The following RPS6KA5 variants were observed in gnomAD, a reference collection of about 807,000 sequenced individuals.
RPS6KA5 encodes ribosomal protein S6 kinase alpha-5.
RPS6KA5 carries 27 observed loss-of-function variants against 85.5 expected under a neutral mutation model. The ratio of observed to expected loss-of-function variants is 0.32; its 90% confidence interval spans 0.23 to 0.44. RPS6KA5 has a LOEUF of 0.44. Among genes scored for constraint, RPS6KA5 ranks in the 20% least tolerant of loss-of-function variants. RPS6KA5 has a pLI of 1.00. For synonymous variants in RPS6KA5, 334 were observed against 348.2 expected (o/e 0.96, Z 0.46); for missense variants, 811 against 980.9 (o/e 0.83, Z 2.31).
intron 1 of RPS6KA5, among the ~76,000 whole-genome samples, chr14:91,050,522 A>G (rs889928926): frequency 3.3e-5 from 5 of 152,208 alleles, no homozygotes; most frequent in Non-Finnish European, 7.3e-5. Context: ...TCCGCCTCCC[A>G]GGTTCAAGCA....
intron 1 of RPS6KA5, among the ~76,000 whole-genome samples, chr14:91,035,770 A>C (rs892730176): frequency 6.6e-6 from 1 of 150,810 alleles, no homozygotes; most frequent in Non-Finnish European, 1.5e-5. Context: ...AAAGCCAAAC[A>C]GAGACACAGA....
rs2031849494 is a variant in RPS6KA5, at chr14:90,848,978, A to G, written c.*23096T>C. ...CAGGCAGAGGATGGCAAAGATCAACAAAAGAAAAGAGTCCACCGCACTCCA... is the reference window on the plus strand; with the variant it reads ...CAGGCAGAGGATGGCAAAGATCAACGAAAGAAAAGAGTCCACCGCACTCCA... On this transcript the variant is annotated 3_prime_UTR_variant, in exon 17 of 17. Coordinates refer to ENST00000614987, the MANE Select transcript of RPS6KA5 (RefSeq NM_004755.4). 6.6e-6 allele frequency: 1 copy of G among 151,444 alleles called. No individual in the cohort carries two copies. The highest frequency in any genetic ancestry group is 1.5e-5 in the Non-Finnish European group (1 of 67,976). 9.4% of individuals were successfully genotyped at this position (151,444 alleles called of 1,614,324 possible).
chr14:91,021,211 A>C (rs115004817), intron 1 of RPS6KA5, among the ~76,000 whole-genome samples: 1 of 152,218 alleles, frequency 6.6e-6, no homozygotes, highest in East Asian at 1.9e-4. Flanking sequence ...ACAATGGAGT[A>C]ACTTTCTGAC....
intron 1 of RPS6KA5, among the ~76,000 whole-genome samples, chr14:91,054,116 T>C (rs2139962270): frequency 6.6e-6 from 1 of 152,298 alleles, no homozygotes; most frequent in African/African-American, 2.4e-5. Flanking sequence ...CAGCTAATGG[T>C]GCTGGAACAA....
In RPS6KA5 at chr14:90,861,540, T is replaced by A. The variant is rs9323854; in HGVS notation, c.*10534A>T. On this transcript the variant is annotated 3_prime_UTR_variant, in exon 17 of 17. Transcript: ENST00000614987. ...CTGTCTCAAAAAAAAAAAAATAATG[T>A]CTTATGAAGTCTAAAACACATATAT... 0.16 allele frequency: 24,131 copies of A among 148,834 alleles called. 2,188 individuals are homozygous for A. The highest frequency in any genetic ancestry group is 0.25 in the African/African-American group (10,065 of 40,650). The allele number at this position is 148,834 out of a possible 1,614,324, so 9.2% of individuals were successfully genotyped here. A position where few individuals can be genotyped will look rare whatever the true frequency, so the allele number is the denominator to read the frequency against.
intron 1 of RPS6KA5, among the ~76,000 whole-genome samples, chr14:91,006,921 T>A (rs780852295): frequency 2.6e-5 from 4 of 152,008 alleles, no homozygotes; most frequent in Non-Finnish European, 5.9e-5. Flanking sequence ...AAGATTATAA[T>A]TAGATGTAGT....
At chr14:90,954,633 T>C (rs912669992) in intron 3 of RPS6KA5, among the ~76,000 whole-genome samples, 1 of 152,158 alleles carries the variant, frequency 6.6e-6, no homozygotes, top group Non-Finnish European at 1.5e-5. Flanking sequence ...AGGCTGTTCT[T>C]GAACTCCTGA....
chr14:91,051,349 T>C (rs2043071640), intron 1 of RPS6KA5, among the ~76,000 whole-genome samples: 1 of 151,828 alleles, frequency 6.6e-6, no homozygotes, highest in Non-Finnish European at 1.5e-5. Flanking sequence ...GAGGCAGAGA[T>C]GGGAAGACTG....
chr14:90,964,500 T>C (rs1398894202), intron 3 of RPS6KA5, among the ~76,000 whole-genome samples: 1 of 152,244 alleles, frequency 6.6e-6, no homozygotes, highest in Non-Finnish European at 1.5e-5. Flanking sequence ...TTTTCTGGCC[T>C]ACAGACAACC....
intron 1 of RPS6KA5, among the ~76,000 whole-genome samples, chr14:91,012,012 T>C (rs1328469929): frequency 6.6e-6 from 1 of 152,252 alleles, no homozygotes; most frequent in African/African-American, 2.4e-5. Context: ...TAATTTATTA[T>C]AAATGATCTA....
intron 8 of RPS6KA5, among the ~76,000 whole-genome samples, chr14:90,905,823 G>T (rs1432107984): frequency 1.3e-5 from 2 of 152,060 alleles, no homozygotes; most frequent in African/African-American, 4.8e-5. Flanking sequence ...CAGTCCATAT[G>T]GCTAGATCTC....
At chr14:91,039,090 T>C (rs1226633933) in intron 1 of RPS6KA5, among the ~76,000 whole-genome samples, 4 of 152,152 alleles carry the variant, frequency 2.6e-5, no homozygotes, top group African/African-American at 9.7e-5. Flanking sequence ...CCCATACCAT[T>C]CAAGTCCTAG....
chr14:90,963,758 G>A (rs770657873), intron 3 of RPS6KA5, among the ~76,000 whole-genome samples: 3 of 152,138 alleles, frequency 2.0e-5, no homozygotes, highest in East Asian at 3.9e-4. Context: ...GAGATTAGGC[G>A]ACTTGCCTAG....
chr14:90,921,172 C>T (rs2036383939), intron 6 of RPS6KA5, among the ~76,000 whole-genome samples: 1 of 152,010 alleles, frequency 6.6e-6, no homozygotes, highest in Non-Finnish European at 1.5e-5. Context: ...TTCCAATTTC[C>T]AGGGCCTAAG....
rs950997550 is a variant in RPS6KA5, at chr14:90,848,522, T to C, written c.*23552A>G. On this transcript the variant is annotated 3_prime_UTR_variant, in exon 17 of 17. Transcript: ENST00000614987. The stretch of plus-strand genomic sequence containing the variant: ...CAGCAACCAAAAATATCATTCCCTC[T>C]GGGGGGAATTAATGCTAGATTAATG... 5.9e-5 allele frequency: 9 copies of C among 152,106 alleles called. No homozygotes were observed. Among genetic ancestry groups the C allele is most frequent in the African/African-American group, 2.2e-4 (9 of 41,438 alleles). 9.4% of individuals were successfully genotyped at this position (152,106 alleles called of 1,614,324 possible). A position where few individuals can be genotyped will look rare whatever the true frequency, so the allele number is the denominator to read the frequency against.
chr14:90,873,705 T>C lies in RPS6KA5; in HGVS notation c.2087A>G (p.Asn696Ser), dbSNP rs564177046. 9 of 1,614,144 alleles carry C rather than the reference T, an allele frequency of 5.6e-6. No individual in the cohort carries two copies. The highest frequency in any genetic ancestry group is 2.2e-5 in the South Asian group (2 of 91,078). The change falls in exon 16 of 17, where the codon AAT becomes AGT. Residue 696 changes from asparagine to serine, a missense_variant. Asn to Ser is a conservative substitution (Grantham distance 46). This residue lies in a region of RPS6KA5 where 650 missense variants were observed against 793.4 expected (regional missense o/e 0.82). Transcript: ENST00000614987. The stretch of plus-strand genomic sequence containing the variant: ...TAGAATATCCGGAGTCATCAGAGGA[T>C]TGGAGGACAGCTGACTTCCATCTTG... ...WLQDGSQLSS[N>S]PLMTPDILGS...
intron 2 of RPS6KA5, among the ~76,000 whole-genome samples, chr14:90,989,566 G>A (rs1868616374): frequency 6.6e-6 from 1 of 152,140 alleles, no homozygotes. Flanking sequence ...TAGAATTACT[G>A]ATAATGCACA....
At chr14:90,987,949 G>GGT (rs34411094) in intron 2 of RPS6KA5, among the ~76,000 whole-genome samples, 3,351 of 151,904 alleles carry the variant, frequency 0.022, 129 homozygotes, top group African/African-American at 0.074. Flanking sequence ...TATGTTGTAT[G>GGT]GTGTGTGTGT....
chr14:90,920,920 T>TG (rs2036371626), intron 6 of RPS6KA5, among the ~76,000 whole-genome samples: 1 of 152,128 alleles, frequency 6.6e-6, no homozygotes, highest in Non-Finnish European at 1.5e-5. Flanking sequence ...TTATTTGAGA[T>TG]GGGGTCTCAC....
Sources: gnomAD v4.1 joint callset for allele counts (sites outside exome capture counted in the v4.1 genomes callset) on GRCh38, gnomAD v4.1.1 for gene constraint, gnomAD v4.1.1 regional missense constraint, MANE v1.5 for transcripts, NCBI Gene and HGNC (gene_info 2026-07-23, HGNC 2026-07-21) for gene names.